SLC9B1: variants seen among roughly 807,000 people sequenced by gnomAD.
SLC9B1 encodes the protein sodium/hydrogen exchanger 9B1.
A neutral mutation model predicts 51.7 loss-of-function variants in SLC9B1; 32 were observed. The observed-to-expected ratio is 0.62, with a 90% CI of 0.47 to 0.83. The LOEUF is 0.83. SLC9B1 is among the 40% of genes least tolerant of loss of function. The probability of loss-of-function intolerance (pLI) is 0.00; values close to 1 mark genes in which losing one functional copy is unlikely to be tolerated. For synonymous variants in SLC9B1, 145 were observed against 212.7 expected (o/e 0.68, Z 2.77); for missense variants, 406 against 613.2 (o/e 0.66, Z 3.57).
chr4:102,926,027 C>T (rs556231807), intron 7 of SLC9B1, among the ~76,000 whole-genome samples: 2 of 152,370 alleles, frequency 1.3e-5, no homozygotes, highest in South Asian at 2.1e-4. Flanking sequence ...GCAGAAAAGG[C>T]CTTTGACAAA....
At chr4:102,958,750 G>A (rs1383766460) in intron 3 of SLC9B1, among the ~76,000 whole-genome samples, 1 of 152,008 alleles carries the variant, frequency 6.6e-6, no homozygotes, top group African/African-American at 2.4e-5. Context: ...GTGAAACCCC[G>A]TGTCTACTAA....
intron 1 of SLC9B1, among the ~76,000 whole-genome samples, chr4:103,000,655 T>G (rs1029449079): frequency 1.3e-5 from 2 of 152,220 alleles, no homozygotes; most frequent in African/African-American, 4.8e-5. Flanking sequence ...TAATCTCCTT[T>G]GACTCCATGT....
intron 1 of SLC9B1, among the ~76,000 whole-genome samples, chr4:102,998,301 A>C (rs1290694396): frequency 6.6e-6 from 1 of 152,142 alleles, no homozygotes; most frequent in African/African-American, 2.4e-5. Context: ...TATTGCACTT[A>C]TCATGCCTTC....
chr4:102,926,098 A>T (rs895469960), intron 7 of SLC9B1, among the ~76,000 whole-genome samples: 1 of 152,308 alleles, frequency 6.6e-6, no homozygotes, highest in African/African-American at 2.4e-5. Context: ...GACGTATCTC[A>T]AAATAATAAG....
intron 1 of SLC9B1, among the ~76,000 whole-genome samples, chr4:102,997,082 T>C (rs552445354): frequency 6.6e-6 from 1 of 152,114 alleles, no homozygotes; most frequent in African/African-American, 2.4e-5. Context: ...AGCCATTGTG[T>C]CTGGCCAGTA....
At chr4:102,963,216 C>T in intron 3 of SLC9B1, 1 of 341,924 alleles carries the variant, frequency 2.9e-6, no homozygotes, top group Non-Finnish European at 5.8e-6. Context: ...GGTTTGGAAG[C>T]TTAATGATAG....
chr4:102,948,667 C>T (rs1737390875), intron 4 of SLC9B1, among the ~76,000 whole-genome samples: 1 of 152,162 alleles, frequency 6.6e-6, no homozygotes, highest in Non-Finnish European at 1.5e-5. Context: ...TTTGCAGCAA[C>T]ATGGATAAAG....
intron 6 of SLC9B1, among the ~76,000 whole-genome samples, chr4:102,937,312 A>G (rs1736768161): frequency 2.0e-5 from 3 of 149,204 alleles, no homozygotes. Flanking sequence ...CATATTGGCC[A>G]GGGTGGTCTC....
chr4:102,900,228 C>G (rs1560915472), downstream of SLC9B1, among the ~76,000 whole-genome samples: 1 of 152,128 alleles, frequency 6.6e-6, no homozygotes. Flanking sequence ...GTTTATATGA[C>G]TCTTATAACT....
At chr4:102,994,844 T>C (rs1740133151) in intron 1 of SLC9B1, among the ~76,000 whole-genome samples, 1 of 152,134 alleles carries the variant, frequency 6.6e-6, no homozygotes, top group Non-Finnish European at 1.5e-5. Flanking sequence ...CTCATTATCA[T>C]GAGAACAGCA....
At chr4:102,956,121 G>C (rs1355160356) in intron 3 of SLC9B1, among the ~76,000 whole-genome samples, 1 of 152,134 alleles carries the variant, frequency 6.6e-6, no homozygotes, top group Non-Finnish European at 1.5e-5. Flanking sequence ...CTCTGGTCCT[G>C]GTAGACGACA....
chr4:102,983,497 T>G (rs1049230683), intron 3 of SLC9B1, among the ~76,000 whole-genome samples: 2 of 152,176 alleles, frequency 1.3e-5, no homozygotes, highest in Non-Finnish European at 2.9e-5. Context: ...GTAGAATTTA[T>G]CAGCGAATCC....
intron 1 of SLC9B1, among the ~76,000 whole-genome samples, chr4:103,014,705 C>T (rs1406690185): frequency 6.6e-6 from 1 of 152,160 alleles, no homozygotes; most frequent in Non-Finnish European, 1.5e-5. Flanking sequence ...ATATTCTTTG[C>T]ATTGTAAGAG....
At chr4:103,018,357 T>C (rs1383993188) in intron 1 of SLC9B1, among the ~76,000 whole-genome samples, 1 of 152,030 alleles carries the variant, frequency 6.6e-6, no homozygotes. Flanking sequence ...ACAACAAAAC[T>C]GAACTTGTAC....
chr4:102,922,566 C>G (rs2110445635), intron 7 of SLC9B1, among the ~76,000 whole-genome samples: 1 of 152,182 alleles, frequency 6.6e-6, no homozygotes, highest in East Asian at 1.9e-4. Context: ...CAGAGCAGAG[C>G]TGAAGGAGAT....
At chr4:102,960,352 A>G (rs965108648) in intron 3 of SLC9B1, among the ~76,000 whole-genome samples, 3 of 152,182 alleles carry the variant, frequency 2.0e-5, no homozygotes, top group Non-Finnish European at 4.4e-5. Context: ...AAATGGCCAG[A>G]AACAGACTGG....
In SLC9B1 at chr4:102,949,308, T is replaced by A. The variant is rs370465981; in HGVS notation, c.331A>T (p.Ile111Phe). ...AAAGGTATTCTAATGAGTTGTAAAA[T>A]TTTTCCCCCAATAATGGCACTATAA... The part of the protein sequence containing the change: ...IFYSAIIGGK[I>F]LQLIRIPLVP... The change falls in exon 4 of 12, where the codon ATT becomes TTT. Residue 111 changes from isoleucine to phenylalanine, a missense_variant. By Grantham distance (21) the Ile-to-Phe change is conservative. Coordinates refer to ENST00000296422, the MANE Select transcript of SLC9B1 (RefSeq NM_139173.4). 2.5e-6 allele frequency: 4 copies of A among 1,608,116 alleles called. No individual in the cohort carries two copies. The highest frequency in any genetic ancestry group is 3.4e-5 in the Admixed American group (2 of 59,422).
rs572901486 is a variant in SLC9B1 at position 103,017,282 on chromosome 4, A to G, written c.-2+2317T>C. 2.0e-5 allele frequency among the ~76,000 whole-genome samples: 3 copies of G among 152,288 alleles called. No homozygotes were observed. The South Asian group carries it at 6.2e-4, about 32-fold the overall frequency. On this transcript the variant is annotated intron_variant, in intron 1 of 11. Coordinates refer to ENST00000296422, the MANE Select transcript of SLC9B1 (RefSeq NM_139173.4). The stretch of plus-strand genomic sequence containing the variant: ...TTTCTGCAATTATCTTCTGCTATAG[A>G]TCTTGCTCCCCACCCAGTATGATTC...
At chr4:103,005,914 A>G (rs979895216) in intron 1 of SLC9B1, among the ~76,000 whole-genome samples, 1 of 152,204 alleles carries the variant, frequency 6.6e-6, no homozygotes, top group Admixed American at 6.5e-5. Context: ...ACAAAGATAC[A>G]ATATAACAGA....
Sources: allele counts gnomAD v4.1 joint callset (sites outside exome capture counted in the v4.1 genomes callset), GRCh38; gene constraint gnomAD v4.1.1; transcripts MANE v1.5; gene names NCBI Gene and HGNC (gene_info 2026-07-23, HGNC 2026-07-21).